Variants in DRC11 observed in about 807,000 individuals in gnomAD.
DRC11 encodes IQ and AAA domain-containing protein 1.
chr2:236,395,938 G>A, the DRC11 span, among the ~76,000 whole-genome samples: 1 of 152,096 alleles, frequency 6.6e-6, no homozygotes, highest in African/African-American at 2.4e-5. Context: ...TTAACAGAAG[G>A]GAAACCATGA....
the DRC11 span, among the ~76,000 whole-genome samples, chr2:236,397,411 GC>G: frequency 6.6e-6 from 1 of 152,172 alleles, no homozygotes; most frequent in African/African-American, 2.4e-5. The surrounding 1 kb of genome is among the most constrained non-coding windows in gnomAD (Gnocchi z 5.0). Context: ...GCCCAGGGCA[GC>G]CACAACTCCC....
the DRC11 span, among the ~76,000 whole-genome samples, chr2:236,373,846 C>T: frequency 6.6e-6 from 1 of 152,146 alleles, no homozygotes; most frequent in Admixed American, 6.5e-5. Context: ...CTCTGGTCCC[C>T]TCCCCTAATT....
chr2:236,428,468 C>G, the DRC11 span, among the ~76,000 whole-genome samples: 1 of 152,024 alleles, frequency 6.6e-6, no homozygotes, highest in Non-Finnish European at 1.5e-5. Flanking sequence ...ATGAACTGAT[C>G]TCTTTATAAT....
At chr2:236,485,234 T>C in the DRC11 span, among the ~76,000 whole-genome samples, 1 of 152,058 alleles carries the variant, frequency 6.6e-6, no homozygotes, top group South Asian at 2.1e-4. Flanking sequence ...ACTACATATA[T>C]ATATGTCATA....
At chr2:236,360,495 A>G in the DRC11 span, among the ~76,000 whole-genome samples, 2 of 152,212 alleles carry the variant, frequency 1.3e-5, no homozygotes, top group Admixed American at 1.3e-4. This position sits in a 1 kb window ranked among gnomAD's most constrained non-coding sequence, Gnocchi z 5.8. Flanking sequence ...GATGTTTAGA[A>G]TGAACAAATG....
At chr2:236,427,663 T>C in the DRC11 span, among the ~76,000 whole-genome samples, 27 of 152,260 alleles carry the variant, frequency 1.8e-4, no homozygotes, top group African/African-American at 6.3e-4. The surrounding 1 kb of genome is among the most constrained non-coding windows in gnomAD (Gnocchi z 5.9). Flanking sequence ...TAACAGCCTG[T>C]CAATTTTATC....
At chr2:236,337,053 G>A in the DRC11 span, among the ~76,000 whole-genome samples, 1 of 152,038 alleles carries the variant, frequency 6.6e-6, no homozygotes, top group Non-Finnish European at 1.5e-5. This position sits in a 1 kb window ranked among gnomAD's most constrained non-coding sequence, Gnocchi z 4.9. Context: ...AGCCTGTCCG[G>A]TCGACATAGG....
chr2:236,391,319 A>G, the DRC11 span: 1 of 152,348 alleles, frequency 6.6e-6, no homozygotes, highest in African/African-American at 2.4e-5. This position sits in a 1 kb window ranked among gnomAD's most constrained non-coding sequence, Gnocchi z 4.5. Flanking sequence ...TGTGTGAATC[A>G]CAGAAAGAGT....
the DRC11 span, among the ~76,000 whole-genome samples, chr2:236,404,952 C>T: frequency 1.3e-5 from 2 of 152,156 alleles, no homozygotes; most frequent in Admixed American, 6.5e-5. Context: ...CTTCACTCCG[C>T]GGAAGGGGCA....
chr2:236,462,031 G>A, the DRC11 span, among the ~76,000 whole-genome samples: 1 of 152,174 alleles, frequency 6.6e-6, no homozygotes, highest in Non-Finnish European at 1.5e-5. The surrounding 1 kb of genome is among the most constrained non-coding windows in gnomAD (Gnocchi z 6.4). Context: ...GCCCCATCCT[G>A]TAAGGGCCTC....
At chr2:236,357,340 ATATATAT>A in the DRC11 span, among the ~76,000 whole-genome samples, 2 of 80,560 alleles carry the variant, frequency 2.5e-5, no homozygotes, top group East Asian at 2.5e-4. Flanking sequence ...ATATATGAAT[ATATATAT>A]TATATGTATA....
chr2:236,411,595 A>G, the DRC11 span, among the ~76,000 whole-genome samples: 1 of 151,890 alleles, frequency 6.6e-6, no homozygotes, highest in African/African-American at 2.4e-5. Context: ...ACACATGCAC[A>G]TGTATGTTTA....
At chr2:236,416,738 TATATATA>T in the DRC11 span, among the ~76,000 whole-genome samples, 1 of 52,952 alleles carries the variant, frequency 1.9e-5, no homozygotes, top group Non-Finnish European at 3.9e-5. Flanking sequence ...TATATATATA[TATATATA>T]TATATATATA....
the DRC11 span, chr2:236,465,750 AG>A: frequency 8.0e-7 from 1 of 1,256,530 alleles, no homozygotes; most frequent in African/African-American, 1.5e-5. This position sits in a 1 kb window ranked among gnomAD's most constrained non-coding sequence, Gnocchi z 6.2. Flanking sequence ...AGGTCATAAA[AG>A]TTACAGAGTT....
chr2:236,335,420 C>T, the DRC11 span, among the ~76,000 whole-genome samples: 30,009 of 152,058 alleles, frequency 0.2, 3,073 homozygotes, highest in African/African-American at 0.26. The surrounding 1 kb of genome is among the most constrained non-coding windows in gnomAD (Gnocchi z 5.6). Flanking sequence ...TGTGCTTCAG[C>T]GGACAGAACC....
At chr2:236,439,193 G>A in the DRC11 span, among the ~76,000 whole-genome samples, 3 of 151,286 alleles carry the variant, frequency 2.0e-5, no homozygotes, top group Admixed American at 6.6e-5. Flanking sequence ...TCAAAAGCTA[G>A]CAGAAGGCAA....
the DRC11 span, among the ~76,000 whole-genome samples, chr2:236,481,565 G>C: frequency 6.6e-6 from 1 of 152,104 alleles, no homozygotes; most frequent in Non-Finnish European, 1.5e-5. Flanking sequence ...GTTGGGGGGA[G>C]TGAAGCCAGG....
At chr2:236,393,078 C>T in the DRC11 span, among the ~76,000 whole-genome samples, 1 of 152,082 alleles carries the variant, frequency 6.6e-6, no homozygotes, top group Non-Finnish European at 1.5e-5. The surrounding 1 kb of genome is among the most constrained non-coding windows in gnomAD (Gnocchi z 4.7). Context: ...GCTGGATCCT[C>T]GACGTGGGAC....
chr2:236,385,990 C>T, the DRC11 span, among the ~76,000 whole-genome samples: 6 of 133,204 alleles, frequency 4.5e-5, no homozygotes, highest in Non-Finnish European at 9.9e-5. Flanking sequence ...ATTGAACCAG[C>T]CTTGCATCCC....
Sources: allele counts gnomAD v4.1 joint callset (sites outside exome capture counted in the v4.1 genomes callset), GRCh38; gene constraint gnomAD v4.1.1; non-coding constraint Gnocchi (gnomAD v3.1); transcripts MANE v1.5; gene names NCBI Gene and HGNC (gene_info 2026-07-23, HGNC 2026-07-21).